Variants in CCDC141 observed in about 807,000 individuals in gnomAD.
CCDC141 encodes coiled-coil domain-containing protein 141.
CCDC141 carries 168 observed loss-of-function variants against 181.0 expected under a neutral mutation model. That is an observed-to-expected ratio of 0.93 (90% CI 0.82 to 1.05). The LOEUF (loss-of-function observed/expected upper bound fraction) is 1.05, where lower values mean the gene tolerates loss of function less well. Among genes scored for constraint, CCDC141 ranks in the 50% least tolerant of loss-of-function variants. The pLI is 0.00. For synonymous variants in CCDC141, 666 were observed against 642.3 expected (o/e 1.04, Z -0.56); for missense variants, 1,902 against 1,788.5 (o/e 1.06, Z -1.14).
chr2:178,982,991 TA>T (rs1300730668), intron 2 of CCDC141, among the ~76,000 whole-genome samples: 1 of 152,166 alleles, frequency 6.6e-6, no homozygotes, highest in East Asian at 1.9e-4. Flanking sequence ...CCTGCCTCTG[TA>T]GGCTCCACCT....
At chr2:178,885,928 A>G (rs544109560) in intron 10 of CCDC141, among the ~76,000 whole-genome samples, 43 of 152,346 alleles carry the variant, frequency 2.8e-4, no homozygotes, top group African/African-American at 9.9e-4. Context: ...CTGGGAAGGA[A>G]GGAAGCGGGG....
downstream of CCDC141, among the ~76,000 whole-genome samples, chr2:178,828,572 AC>A (rs1684158962): frequency 6.6e-6 from 1 of 152,128 alleles, no homozygotes; most frequent in Non-Finnish European, 1.5e-5. Context: ...TCAAAGGCTG[AC>A]CCTGCAGGGT....
At chr2:178,981,622 GAATGTGTGTGTGTGTATATATATATA>G (rs1691397286) in intron 2 of CCDC141, among the ~76,000 whole-genome samples, 1 of 74,326 alleles carries the variant, frequency 1.3e-5, no homozygotes, top group Non-Finnish European at 2.5e-5. Context: ...TTGTAGCATT[GAATGTGTGTGTGTGTATATATATATA>G]TATATATATA....
chr2:179,013,827 G>A lies in CCDC141; in HGVS notation c.225+33457C>T, dbSNP rs180893451. On this transcript the variant is annotated intron_variant, in intron 2 of 23. Coordinates refer to ENST00000443758, the MANE Select transcript of CCDC141 (RefSeq NM_173648.4). ...CTAAAAATTAGCCAGGTGTGGTGGC[G>A]GGCACTTGTAGTCCAAGCTACTTGG... is the stretch of plus-strand genomic sequence containing the variant. 4.7e-4 allele frequency among the ~76,000 whole-genome samples: 71 copies of A among 151,598 alleles called. No homozygotes were observed. The Middle Eastern group carries it at 0.01, about 22-fold the overall frequency.
chr2:179,047,209 A>G (rs2043526189), intron 2 of CCDC141, 75 bp downstream of exon 2: 4 of 1,346,800 alleles, frequency 3.0e-6, no homozygotes, highest in Non-Finnish European at 3.9e-6. Context: ...GTAACAGCAG[A>G]GGAATCAAGA....
At chr2:178,863,129 A>G (rs1269994133) in intron 17 of CCDC141, among the ~76,000 whole-genome samples, 1 of 152,230 alleles carries the variant, frequency 6.6e-6, no homozygotes, top group Non-Finnish European at 1.5e-5. Context: ...TTGGTGCCCA[A>G]CAAATGAGTC....
chr2:178,923,101 T>A (rs902076096), intron 6 of CCDC141, among the ~76,000 whole-genome samples: 8 of 151,148 alleles, frequency 5.3e-5, no homozygotes, highest in East Asian at 2.0e-4. Context: ...AGTTTATTTT[T>A]TTTTTTTCTT....
chr2:178,857,166 T>C (rs111936977), intron 17 of CCDC141, among the ~76,000 whole-genome samples: 7 of 152,254 alleles, frequency 4.6e-5, no homozygotes, highest in African/African-American at 1.4e-4. Context: ...CCCAGATCTC[T>C]CTATCTTTTA....
intron 5 of CCDC141, among the ~76,000 whole-genome samples, chr2:178,958,849 T>C (rs1356033359): frequency 6.6e-6 from 1 of 151,814 alleles, no homozygotes; most frequent in African/African-American, 2.4e-5. Flanking sequence ...TTGGGAAAAC[T>C]GTTCTGTTTG....
intron 17 of CCDC141, among the ~76,000 whole-genome samples, chr2:178,864,130 A>G (rs773291056): frequency 1.6e-4 from 25 of 152,222 alleles, no homozygotes; most frequent in Non-Finnish European, 3.4e-4. Context: ...GCGCTTTAGC[A>G]AATGTAGAGC....
In CCDC141 at chr2:178,903,471, T is replaced by C. The variant is rs184291653; in HGVS notation, c.1265+1858A>G. Among the ~76,000 whole-genome samples, 545 of 151,626 alleles carry C rather than the reference T, an allele frequency of 3.6e-3. 4 individuals carry two copies. The highest frequency in any genetic ancestry group is 0.012 in the African/African-American group (495 of 41,312). On this transcript the variant is annotated intron_variant, in intron 8 of 23. Coordinates refer to ENST00000443758, the MANE Select transcript of CCDC141 (RefSeq NM_173648.4). ...GTCCTTTGTAGGGACATGGATGAAA[T>C]TGGAAATCATCATTCTCAGTAAACT...
chr2:178,837,833 A>G, intron 22 of CCDC141, 89 bp from the exon 23 acceptor site: 1 of 1,400,244 alleles, frequency 7.1e-7, no homozygotes, highest in Non-Finnish European at 9.3e-7. Flanking sequence ...CAGAGAGATA[A>G]CTCGAGACAA....
rs1355576196 is a variant in CCDC141 at position 178,984,961 on chromosome 2, C to T, written c.226-6286G>A. Among the ~76,000 whole-genome samples, 13 of 150,162 alleles carry T rather than the reference C, an allele frequency of 8.7e-5. No homozygotes were observed. The South Asian group carries it at 1.1e-3, about 12-fold the overall frequency. ...GAATTGAACTCAGCTCTGCACCAAGCGGACCTAATAGACATCTACAGAACT... is the reference window on the plus strand; with the variant it reads ...GAATTGAACTCAGCTCTGCACCAAGTGGACCTAATAGACATCTACAGAACT... On this transcript the variant is annotated intron_variant, in intron 2 of 23. Coordinates refer to ENST00000443758, the MANE Select transcript of CCDC141 (RefSeq NM_173648.4).
chr2:178,868,503 T>G (rs1022655405), intron 15 of CCDC141, among the ~76,000 whole-genome samples: 10 of 151,526 alleles, frequency 6.6e-5, no homozygotes, highest in Non-Finnish European at 1.3e-4. Context: ...TAAAGGGATA[T>G]TAACGAATAT....
chr2:178,879,960 T>C (rs190429774), intron 11 of CCDC141, among the ~76,000 whole-genome samples: 1 of 152,320 alleles, frequency 6.6e-6, no homozygotes, highest in Admixed American at 6.5e-5. Context: ...GGGATAAAAC[T>C]GGCCAGCAGG....
At chr2:178,983,320 A>G (rs1429275971) in intron 2 of CCDC141, among the ~76,000 whole-genome samples, 1 of 152,172 alleles carries the variant, frequency 6.6e-6, no homozygotes, top group Non-Finnish European at 1.5e-5. Context: ...TCTGTACATC[A>G]CCATCATCAA....
chr2:178,959,924 G>A (rs748448788), intron 5 of CCDC141, among the ~76,000 whole-genome samples: 10 of 152,160 alleles, frequency 6.6e-5, no homozygotes, highest in South Asian at 2.1e-4. Flanking sequence ...GTTTATCATC[G>A]TACTCATCAT....
At chr2:178,858,914 G>T (rs1162823536) in intron 17 of CCDC141, among the ~76,000 whole-genome samples, 1 of 152,080 alleles carries the variant, frequency 6.6e-6, no homozygotes, top group Non-Finnish European at 1.5e-5. Context: ...GATAGAGAAA[G>T]GCTGAGATTT....
chr2:178,850,668 T>C (rs1462942722), intron 20 of CCDC141, among the ~76,000 whole-genome samples: 1 of 152,190 alleles, frequency 6.6e-6, no homozygotes, highest in Admixed American at 6.5e-5. Flanking sequence ...CCCTCCACTC[T>C]CAATTTCTGC....
Sources: gnomAD v4.1 joint callset for allele counts (sites outside exome capture counted in the v4.1 genomes callset) on GRCh38, gnomAD v4.1.1 for gene constraint, MANE v1.5 for transcripts, NCBI Gene and HGNC (gene_info 2026-07-23, HGNC 2026-07-21) for gene names.